Variants in PTPN11 observed in about 807,000 individuals in gnomAD.
PTPN11 encodes tyrosine-protein phosphatase non-receptor type 11.
In PTPN11, 6 loss-of-function variants were observed where a neutral mutation model predicts 78.8. The observed-to-expected ratio is 0.08, with a 90% confidence interval of 0.04 to 0.15. The LOEUF (loss-of-function observed/expected upper bound fraction) is 0.15, where lower values mean the gene tolerates loss of function less well. PTPN11 is among the 10% of genes least tolerant of loss of function. The pLI, the probability that PTPN11 is intolerant of heterozygous loss-of-function variation, is 1.00. For synonymous variants in PTPN11, 221 were observed against 263.5 expected (o/e 0.84, Z 1.56); for missense variants, 386 against 744.8 (o/e 0.52, Z 5.61).
Position 112,504,227 on chromosome 12 carries a change from G to T in PTPN11, c.1713-468G>T, listed in dbSNP as rs1566193272. ...TGTTGTTTTTTTGAGATGGAGTCTCGCTCTGTCGCCCAGGCTGGAGTGCAG... is the reference window on the plus strand; with the variant it reads ...TGTTGTTTTTTTGAGATGGAGTCTCTCTCTGTCGCCCAGGCTGGAGTGCAG... On this transcript the variant is annotated intron_variant, in intron 14 of 15. Coordinates refer to ENST00000351677, the MANE Select transcript of PTPN11 (RefSeq NM_002834.5). This position sits in a 1 kb window ranked among gnomAD's most constrained non-coding sequence, Gnocchi z 4.7. Among the ~76,000 whole-genome samples the T allele has an allele frequency of 6.6e-6, 1 of 152,066 alleles. No individual in the cohort carries two copies. Among genetic ancestry groups the T allele is most frequent in the Admixed American group, 6.6e-5 (1 of 15,264 alleles).
At chr12:112,456,497 C>T (rs1282470567) in intron 6 of PTPN11, among the ~76,000 whole-genome samples, 2 of 142,568 alleles carry the variant, frequency 1.4e-5, no homozygotes, top group African/African-American at 5.2e-5. Flanking sequence ...CTCGCTCTGT[C>T]GCCGAAGCTG....
chr12:112,475,237 A>G (rs2038481886), intron 7 of PTPN11, among the ~76,000 whole-genome samples: 1 of 152,152 alleles, frequency 6.6e-6, no homozygotes, highest in African/African-American at 2.4e-5. Context: ...CACTGTTCTT[A>G]GCACCACTCT....
chr12:112,446,911 G>T (rs1177381163), intron 2 of PTPN11, among the ~76,000 whole-genome samples: 1 of 151,860 alleles, frequency 6.6e-6, no homozygotes, highest in Admixed American at 6.6e-5. Context: ...TGTTGCCCAG[G>T]CTGGAGTGCA....
intron 3 of PTPN11, among the ~76,000 whole-genome samples, chr12:112,451,649 TCA>T (rs1237511804): frequency 4.6e-5 from 7 of 152,304 alleles, no homozygotes; most frequent in African/African-American, 7.2e-5. Flanking sequence ...GCAAAATCCC[TCA>T]TTTTTACTCC....
At chr12:112,493,537 C>T (rs540141697) in intron 13 of PTPN11, among the ~76,000 whole-genome samples, 4 of 151,786 alleles carry the variant, frequency 2.6e-5, no homozygotes, top group African/African-American at 9.7e-5. Flanking sequence ...TACAGGTACC[C>T]GCCACCATGC....
intron 1 of PTPN11, among the ~76,000 whole-genome samples, chr12:112,429,154 A>G (rs1191653877): frequency 6.6e-6 from 1 of 152,216 alleles, no homozygotes; most frequent in African/African-American, 2.4e-5. Flanking sequence ...TGCCTATGTG[A>G]AACTATCATA....
chr12:112,460,633 A>G (rs1232246474), intron 6 of PTPN11, among the ~76,000 whole-genome samples: 5 of 152,002 alleles, frequency 3.3e-5, no homozygotes, highest in African/African-American at 1.2e-4. Flanking sequence ...CACGAGGTCA[A>G]GAGATCGAGA....
chr12:112,455,718 A>G (rs1218244003), intron 5 of PTPN11, among the ~76,000 whole-genome samples: 4 of 152,226 alleles, frequency 2.6e-5, no homozygotes, highest in African/African-American at 9.6e-5. Flanking sequence ...GCTTGAATTT[A>G]TATCAGCAGA....
chr12:112,492,566 G>A (rs945592065), intron 13 of PTPN11, among the ~76,000 whole-genome samples: 7 of 150,960 alleles, frequency 4.6e-5, no homozygotes, highest in Non-Finnish European at 8.8e-5. Flanking sequence ...CTCCCAGGCT[G>A]GAGTGCAGTG....
intron 13 of PTPN11, among the ~76,000 whole-genome samples, chr12:112,497,732 G>A (rs2038829921): frequency 6.6e-6 from 1 of 152,198 alleles, no homozygotes; most frequent in Non-Finnish European, 1.5e-5. Context: ...GGAAAAGTAA[G>A]CTGAGACCAG....
intron 1 of PTPN11, among the ~76,000 whole-genome samples, chr12:112,442,156 T>G (rs2135850256): frequency 6.6e-6 from 1 of 152,274 alleles, no homozygotes; most frequent in East Asian, 1.9e-4. Flanking sequence ...CATTTATGGG[T>G]TTTAAAAAAC....
intron 6 of PTPN11, among the ~76,000 whole-genome samples, chr12:112,457,705 A>C (rs2038184808): frequency 6.6e-6 from 1 of 152,152 alleles, no homozygotes; most frequent in African/African-American, 2.4e-5. Context: ...AAGTGAACTG[A>C]TCTCTTTCCT....
chr12:112,437,380 C>T (rs1438495954), intron 1 of PTPN11, among the ~76,000 whole-genome samples: 3 of 151,956 alleles, frequency 2.0e-5, no homozygotes, highest in Admixed American at 1.3e-4. Flanking sequence ...AGGCTGGTCT[C>T]GAACTCCTGA....
intron 13 of PTPN11, among the ~76,000 whole-genome samples, chr12:112,494,185 C>T (rs994920694): frequency 1.3e-5 from 2 of 152,100 alleles, no homozygotes; most frequent in Admixed American, 6.6e-5. Context: ...ACCCGGGAGG[C>T]GGAGGTTGCA....
chr12:112,483,956 G>A (rs541956394), intron 10 of PTPN11, among the ~76,000 whole-genome samples: 11 of 152,202 alleles, frequency 7.2e-5, no homozygotes, highest in Admixed American at 3.3e-4. Flanking sequence ...GAAGTGGAGC[G>A]GTCAGGGAGG....
chr12:112,430,494 C>T (rs186244852), intron 1 of PTPN11, among the ~76,000 whole-genome samples: 3 of 152,172 alleles, frequency 2.0e-5, no homozygotes, highest in Admixed American at 2.0e-4. Flanking sequence ...AATGGCACAA[C>T]CATGGCTCAC....
chr12:112,442,984 T>C (rs1399789348), intron 1 of PTPN11, among the ~76,000 whole-genome samples: 1 of 149,376 alleles, frequency 6.7e-6, no homozygotes, highest in South Asian at 2.1e-4. Flanking sequence ...TGTACATATA[T>C]GTGTCTCTAT....
intron 13 of PTPN11, among the ~76,000 whole-genome samples, chr12:112,492,008 G>A (rs2038752821): frequency 6.6e-6 from 1 of 152,120 alleles, no homozygotes; most frequent in Non-Finnish European, 1.5e-5. Context: ...CACCTGGCCA[G>A]TTATTAGTAT....
At chr12:112,486,751 G>A (rs2038684457) in intron 11 of PTPN11, 122 bp downstream of exon 11, 2 of 1,527,580 alleles carry the variant, frequency 1.3e-6, no homozygotes, top group Non-Finnish European at 1.8e-6. Context: ...TCTGTTTGAG[G>A]CATAGAGCAA....
Sources: gnomAD v4.1 joint callset for allele counts (sites outside exome capture counted in the v4.1 genomes callset) on GRCh38, gnomAD v4.1.1 for gene constraint, Gnocchi (gnomAD v3.1) non-coding constraint, MANE v1.5 for transcripts, NCBI Gene and HGNC (gene_info 2026-07-23, HGNC 2026-07-21) for gene names.